Variants in RIMS2 observed in about 807,000 individuals in gnomAD.
RIMS2 encodes the protein regulating synaptic membrane exocytosis protein 2.
A neutral mutation model predicts 174.4 loss-of-function variants in RIMS2; 59 were observed. That is an observed-to-expected ratio of 0.34 (90% CI 0.27 to 0.42). The LOEUF (loss-of-function observed/expected upper bound fraction) is 0.42, where lower values mean the gene tolerates loss of function less well. RIMS2 is among the 10% of genes least tolerant of loss of function. The pLI is 1.00. For missense variants in RIMS2, 1,620 were observed against 1,666.3 expected, an observed-to-expected ratio of 0.97 and a Z score of 0.48; for synonymous variants, 606 against 572.5, an observed-to-expected ratio of 1.06 and a Z score of -0.84.
At chr8:103,758,528 T>C (rs1452090547) in intron 2 of RIMS2, among the ~76,000 whole-genome samples, 1 of 152,102 alleles carries the variant, frequency 6.6e-6, no homozygotes, top group East Asian at 1.9e-4. Context: ...GACGTGAACA[T>C]GAATTTCAGT....
rs565766669 is a variant in RIMS2 at position 104,018,922 on chromosome 8, G to A, written c.3334+4307G>A. On this transcript the variant is annotated intron_variant, in intron 19 of 23. Coordinates refer to ENST00000504942, the Ensembl canonical transcript of RIMS2. ...AATGAAATGCATACCTTTTATTTTT[G>A]TTGTTTTTAAAGTCCCTATTATGTT... Among the ~76,000 whole-genome samples, 7 of 151,594 alleles carry A rather than the reference G, an allele frequency of 4.6e-5. No individual in the cohort carries two copies. The East Asian group carries it at 1.2e-3, about 25-fold the overall frequency.
At chr8:103,591,121 A>G (rs1483855374) in intron 1 of RIMS2, among the ~76,000 whole-genome samples, 1 of 151,032 alleles carries the variant, frequency 6.6e-6, no homozygotes, top group Non-Finnish European at 1.5e-5. Flanking sequence ...ATGTAGAGGT[A>G]GCTCTCTGTG....
chr8:103,553,549 A>T (rs1292496500), intron 1 of RIMS2, among the ~76,000 whole-genome samples: 2 of 152,156 alleles, frequency 1.3e-5, no homozygotes, highest in Non-Finnish European at 2.9e-5. Flanking sequence ...ATACATATGT[A>T]ACAAAGCTGC....
chr8:103,794,077 A>G (rs922545847), intron 3 of RIMS2, among the ~76,000 whole-genome samples: 2 of 152,198 alleles, frequency 1.3e-5, no homozygotes, highest in African/African-American at 4.8e-5. Flanking sequence ...AATTGAAAAA[A>G]ACTATGTTAA....
intron 19 of RIMS2, among the ~76,000 whole-genome samples, chr8:104,204,958 A>G (rs1005125852): frequency 6.6e-6 from 1 of 152,180 alleles, no homozygotes; most frequent in Admixed American, 6.5e-5. Context: ...AAGATTACCA[A>G]TACTTTAGGA....
chr8:104,162,345 T>G (rs570312478), intron 19 of RIMS2, among the ~76,000 whole-genome samples: 1 of 152,002 alleles, frequency 6.6e-6, no homozygotes, highest in Non-Finnish European at 1.5e-5. Flanking sequence ...CCACAGTTAT[T>G]AAGATTTAAG....
At chr8:103,590,478 A>G (rs1243260607) in intron 1 of RIMS2, among the ~76,000 whole-genome samples, 4 of 151,312 alleles carry the variant, frequency 2.6e-5, no homozygotes, top group Non-Finnish European at 5.9e-5. Flanking sequence ...ACTATTGCAC[A>G]TCCTTACATG....
At chr8:103,819,694 TA>T in intron 3 of RIMS2, 1 of 1,330,356 alleles carries the variant, frequency 7.5e-7, no homozygotes, top group South Asian at 1.3e-5. Flanking sequence ...TATATGCCAG[TA>T]AAAATTGTTT....
chr8:103,754,918 C>G (rs768057115), intron 2 of RIMS2, among the ~76,000 whole-genome samples: 10 of 152,098 alleles, frequency 6.6e-5, no homozygotes, highest in Non-Finnish European at 1.3e-4. Flanking sequence ...GCACCTTTAG[C>G]CCGTTTTACA....
intron 1 of RIMS2, among the ~76,000 whole-genome samples, chr8:103,572,875 T>G (rs2092935033): frequency 6.6e-6 from 1 of 152,232 alleles, no homozygotes; most frequent in Non-Finnish European, 1.5e-5. Context: ...GTTGATAGCT[T>G]CTTTTGCTGT....
At chr8:103,889,810 T>G (rs547362378) in intron 4 of RIMS2, among the ~76,000 whole-genome samples, 1 of 152,000 alleles carries the variant, frequency 6.6e-6, no homozygotes, top group African/African-American at 2.4e-5. Context: ...GTCATTTCAT[T>G]CAGTATGTTC....
intron 5 of RIMS2, chr8:103,910,484 G>C: frequency 1.9e-6 from 3 of 1,597,520 alleles, no homozygotes; most frequent in Non-Finnish European, 2.5e-6. Context: ...GGGTAGATAC[G>C]TGTAGTAGCA....
intron 1 of RIMS2, among the ~76,000 whole-genome samples, chr8:103,558,791 C>G (rs1211110225): frequency 1.3e-5 from 2 of 151,974 alleles, no homozygotes; most frequent in Non-Finnish European, 2.9e-5. Flanking sequence ...ATGGCTGACC[C>G]AAACAATATG....
In RIMS2 at chr8:103,625,472, G is replaced by T. The variant is rs141289586; in HGVS notation, c.177-71614G>T. 1.3e-3 allele frequency among the ~76,000 whole-genome samples: 205 copies of T among 152,176 alleles called. 1 individual carries two copies. The highest frequency in any genetic ancestry group is 4.7e-3 in the African/African-American group (197 of 41,534). Reference sequence around the variant, plus strand: ...ATTCATACAATAGCATAAAATCAAGGATAGGATTCTTTACATTACCTAACG... The same window carrying T: ...ATTCATACAATAGCATAAAATCAAGTATAGGATTCTTTACATTACCTAACG... On this transcript the variant is annotated intron_variant, in intron 1 of 23. Transcript: ENST00000504942.
chr8:104,244,937 G>C (rs2099322419), exon 20 of RIMS2: 6 of 1,613,650 alleles, frequency 3.7e-6, no homozygotes, highest in Non-Finnish European at 5.1e-6. Context: ...AAAAAACTAA[G>C]GAGCACTGTC....
chr8:104,081,832 A>G (rs759186799), intron 19 of RIMS2, among the ~76,000 whole-genome samples: 1 of 152,100 alleles, frequency 6.6e-6, no homozygotes, highest in African/African-American at 2.4e-5. Flanking sequence ...TGATTCAGTG[A>G]TGAGGAAATA....
intron 2 of RIMS2, among the ~76,000 whole-genome samples, chr8:103,716,977 G>A (rs1273283010): frequency 1.3e-5 from 2 of 151,988 alleles, no homozygotes; most frequent in Non-Finnish European, 2.9e-5. Context: ...GATCTGCCAT[G>A]GAGACTGATG....
At chr8:103,624,810 G>A (rs796758742) in intron 1 of RIMS2, among the ~76,000 whole-genome samples, 2 of 151,980 alleles carry the variant, frequency 1.3e-5, no homozygotes, top group African/African-American at 2.4e-5. Flanking sequence ...TAAGTCTTAC[G>A]AGTGGTTTTC....
chr8:104,215,008 C>T (rs558943662), intron 19 of RIMS2, among the ~76,000 whole-genome samples: 1 of 152,028 alleles, frequency 6.6e-6, no homozygotes. Flanking sequence ...TTTGACAGAC[C>T]CCTCACTCTT....
Sources: allele counts gnomAD v4.1 joint callset (sites outside exome capture counted in the v4.1 genomes callset), GRCh38; gene constraint gnomAD v4.1.1; transcripts MANE v1.5; gene names NCBI Gene and HGNC (gene_info 2026-07-23, HGNC 2026-07-21).